Variants in CYRIB observed in about 807,000 individuals in gnomAD.
CYRIB encodes CYFIP-related Rac1 interactor B.
A neutral mutation model predicts 44.2 loss-of-function variants in CYRIB; 8 were observed. That is an observed-to-expected ratio of 0.18 (90% CI 0.11 to 0.33). The LOEUF (loss-of-function observed/expected upper bound fraction) is 0.33. CYRIB is among the 10% of genes least tolerant of loss of function. The pLI is 1.00. For synonymous variants in CYRIB, 131 were observed against 127.2 expected, an observed-to-expected ratio of 1.03 and a Z score of -0.20; for missense variants, 185 against 382.8, an observed-to-expected ratio of 0.48 and a Z score of 4.31.
intron 1 of CYRIB, among the ~76,000 whole-genome samples, chr8:129,995,148 C>T (rs1365351474): frequency 6.6e-6 from 1 of 152,154 alleles, no homozygotes; most frequent in African/African-American, 2.4e-5. Flanking sequence ...TGAGACCTAC[C>T]AACCCACCAA....
chr8:129,894,183 G>A (rs1323353785), intron 2 of CYRIB, among the ~76,000 whole-genome samples: 1 of 152,046 alleles, frequency 6.6e-6, no homozygotes, highest in Non-Finnish European at 1.5e-5. Flanking sequence ...AGTCCTATAG[G>A]ACAGCTGTCT....
intron 1 of CYRIB, among the ~76,000 whole-genome samples, chr8:130,000,272 T>C (rs1415602991): frequency 1.3e-5 from 2 of 152,216 alleles, no homozygotes; most frequent in Non-Finnish European, 2.9e-5. Context: ...CTAGGGTTTT[T>C]TCTGGACATT....
intron 2 of CYRIB, among the ~76,000 whole-genome samples, chr8:129,882,382 GTGTC>G (rs1188202168): frequency 1.3e-5 from 2 of 152,210 alleles, no homozygotes; most frequent in Non-Finnish European, 2.9e-5. Flanking sequence ...CACTGACTCA[GTGTC>G]TGGCACACAG....
At chr8:129,983,010 A>T (rs779780039) in intron 1 of CYRIB, among the ~76,000 whole-genome samples, 46 of 40,322 alleles carry the variant, frequency 1.1e-3, no homozygotes, top group East Asian at 1.8e-3. Context: ...TAGAGCTGTT[A>T]AAAAAAAAAA....
Position 129,997,526 on chromosome 8 carries a change from G to T in CYRIB, c.-296+18844C>A, listed in dbSNP as rs142987137. Among the ~76,000 whole-genome samples, 1,178 of 152,306 alleles carry T rather than the reference G, an allele frequency of 7.7e-3. 18 individuals are homozygous for T. The highest frequency in any genetic ancestry group is 0.027 in the African/African-American group (1,107 of 41,546). ...TCATGAATGTGATTAAACAAAACTTGCAGGAGGATGCTCTGAGGGCCAAGG... is the reference window on the plus strand; with the variant it reads ...TCATGAATGTGATTAAACAAAACTTTCAGGAGGATGCTCTGAGGGCCAAGG... On this transcript the variant is annotated intron_variant, in intron 1 of 14. Coordinates refer to the CYRIB transcript ENST00000401979.
intron 1 of CYRIB, among the ~76,000 whole-genome samples, chr8:129,922,848 G>C (rs140372763): frequency 0.015 from 2,279 of 149,244 alleles, 67 homozygotes; most frequent in African/African-American, 0.053. Context: ...GGGCGACAGA[G>C]TGAGACTCCG....
chr8:129,844,992 T>C (rs79921014), intron 11 of CYRIB, among the ~76,000 whole-genome samples: 2,867 of 152,292 alleles, frequency 0.019, 98 homozygotes, highest in African/African-American at 0.064. Flanking sequence ...GTTTCCATTA[T>C]CTATTATAAT....
intron 2 of CYRIB, among the ~76,000 whole-genome samples, chr8:129,965,236 T>C (rs1340543851): frequency 1.5e-5 from 2 of 131,352 alleles, no homozygotes; most frequent in Admixed American, 8.4e-5. Flanking sequence ...ATATACAGAA[T>C]TCCCCCAGAC....
At chr8:129,957,558 C>T (rs1382663808) in intron 2 of CYRIB, among the ~76,000 whole-genome samples, 3 of 152,154 alleles carry the variant, frequency 2.0e-5, no homozygotes, top group African/African-American at 4.8e-5. Flanking sequence ...ATTGCCGGCA[C>T]GATGGCTCAC....
At chr8:129,894,922 TATATA>T (rs1389487416) in intron 2 of CYRIB, among the ~76,000 whole-genome samples, 23 of 149,256 alleles carry the variant, frequency 1.5e-4, no homozygotes, top group African/African-American at 4.9e-4. Flanking sequence ...AATATATATA[TATATA>T]TATTTTTTTA....
intron 2 of CYRIB, among the ~76,000 whole-genome samples, chr8:129,969,167 C>T (rs2095600505): frequency 6.6e-6 from 1 of 152,124 alleles, no homozygotes; most frequent in South Asian, 2.1e-4. Context: ...GCATGCGCCA[C>T]CACACCCGGC....
At chr8:129,859,391 C>T (rs926128322) in intron 5 of CYRIB, among the ~76,000 whole-genome samples, 1 of 151,934 alleles carries the variant, frequency 6.6e-6, no homozygotes, top group African/African-American at 2.4e-5. Flanking sequence ...GTTAGGCCTC[C>T]GGATAACTGC....
chr8:129,904,246 T>A (rs555625948), intron 1 of CYRIB, among the ~76,000 whole-genome samples: 1 of 152,300 alleles, frequency 6.6e-6, no homozygotes, highest in African/African-American at 2.4e-5. Context: ...GTACTATCTG[T>A]GGTTCACTTT....
intron 1 of CYRIB, chr8:130,004,429 C>T (rs897287618): frequency 6.6e-6 from 1 of 152,128 alleles, no homozygotes; most frequent in African/African-American, 2.4e-5. Flanking sequence ...CCGAATTCAG[C>T]TATACTCAAA....
intron 1 of CYRIB, among the ~76,000 whole-genome samples, chr8:129,909,434 A>G (rs1265468429): frequency 1.3e-5 from 2 of 152,180 alleles, no homozygotes; most frequent in African/African-American, 4.8e-5. Context: ...TTTTTATACA[A>G]TTTAACACCC....
chr8:129,930,359 A>T (rs2090501348), intron 1 of CYRIB, among the ~76,000 whole-genome samples: 1 of 124,744 alleles, frequency 8.0e-6, no homozygotes, highest in Non-Finnish European at 1.7e-5. Flanking sequence ...AAGAATTGTG[A>T]AGTGCTTATA....
At chr8:129,857,427 C>A (rs1166405249) in intron 5 of CYRIB, among the ~76,000 whole-genome samples, 1 of 152,132 alleles carries the variant, frequency 6.6e-6, no homozygotes, top group Non-Finnish European at 1.5e-5. Context: ...CTGAGAAGAG[C>A]ATGACATACT....
chr8:130,013,006 A>G (rs1287497008), intron 1 of CYRIB, among the ~76,000 whole-genome samples: 1 of 152,216 alleles, frequency 6.6e-6, no homozygotes. Flanking sequence ...GAGAAAAAAA[A>G]TCAATCCTTC....
intron 1 of CYRIB, among the ~76,000 whole-genome samples, chr8:129,980,359 G>A (rs1005167516): frequency 2.0e-5 from 3 of 152,148 alleles, no homozygotes; most frequent in African/African-American, 7.2e-5. Flanking sequence ...ATAGCGTGGT[G>A]CTTAACATGT....
Sources: gnomAD v4.1 joint callset for allele counts (sites outside exome capture counted in the v4.1 genomes callset) on GRCh38, gnomAD v4.1.1 for gene constraint, MANE v1.5 for transcripts, NCBI Gene and HGNC (gene_info 2026-07-23, HGNC 2026-07-21) for gene names.